ZBTB7C: variants seen among roughly 807,000 people sequenced by gnomAD.
ZBTB7C encodes zinc finger and BTB domain-containing protein 7C.
In ZBTB7C, 8 loss-of-function variants were observed where a neutral mutation model predicts 25.7. The ratio of observed to expected loss-of-function variants is 0.31; its 90% CI spans 0.18 to 0.56. The LOEUF is 0.56. ZBTB7C is among the 20% of genes least tolerant of loss of function. The pLI is 0.91. For synonymous variants in ZBTB7C, 394 were observed against 369.0 expected (o/e 1.07, Z -0.78); for missense variants, 824 against 855.2 (o/e 0.96, Z 0.46).
chr18:48,317,889 C>T (rs1456143735), intron 2 of ZBTB7C, among the ~76,000 whole-genome samples: 1 of 151,670 alleles, frequency 6.6e-6, no homozygotes, highest in Non-Finnish European at 1.5e-5. Flanking sequence ...TCAGAAGATC[C>T]CAGGGTCATT....
At chr18:48,243,268 C>T (rs1177743846) in intron 2 of ZBTB7C, among the ~76,000 whole-genome samples, 7 of 48,448 alleles carry the variant, frequency 1.4e-4, no homozygotes, top group Non-Finnish European at 2.6e-4. Context: ...TCTACCCCCC[C>T]ACAAAAAAAA....
intron 3 of ZBTB7C, among the ~76,000 whole-genome samples, chr18:48,162,932 A>C (rs2041116986): frequency 6.6e-6 from 1 of 151,656 alleles, no homozygotes; most frequent in Admixed American, 6.6e-5. Context: ...GTTCATGCTC[A>C]GCATGCAGTC....
At chr18:48,236,577 A>G (rs901075139) in intron 2 of ZBTB7C, among the ~76,000 whole-genome samples, 11 of 152,226 alleles carry the variant, frequency 7.2e-5, no homozygotes, top group Non-Finnish European at 4.4e-5. Flanking sequence ...TGAAATATGA[A>G]CAGAATGTTA....
At chr18:48,180,118 T>TCCTTCCTTCCTTCCTTC (rs1371498496) in intron 3 of ZBTB7C, among the ~76,000 whole-genome samples, 128 of 117,214 alleles carry the variant, frequency 1.1e-3, no homozygotes, top group South Asian at 2.1e-3. Context: ...TTCCTTTCCT[T>TCCTTCCTTCCTTCCTTC]CCTTCCTTCC....
chr18:48,336,268 CA>C, intron 2 of ZBTB7C, among the ~76,000 whole-genome samples: 1 of 152,310 alleles, frequency 6.6e-6, no homozygotes, highest in East Asian at 1.9e-4. Context: ...TGTTAGCAGT[CA>C]GAATCCCTGG....
At chr18:48,110,174 C>T (rs2039185582) in intron 3 of ZBTB7C, among the ~76,000 whole-genome samples, 1 of 152,230 alleles carries the variant, frequency 6.6e-6, no homozygotes, top group South Asian at 2.1e-4. Context: ...TGTCTTCTCA[C>T]AGATGGAACA....
At chr18:48,376,776 C>T (rs2047528936) in intron 1 of ZBTB7C, among the ~76,000 whole-genome samples, 1 of 152,356 alleles carries the variant, frequency 6.6e-6, no homozygotes. Flanking sequence ...TCTGCTGATG[C>T]TCTGGGCCTT....
chr18:48,165,838 T>C (rs1314568416), intron 3 of ZBTB7C, among the ~76,000 whole-genome samples: 2 of 152,168 alleles, frequency 1.3e-5, no homozygotes, highest in East Asian at 3.8e-4. Flanking sequence ...GTAAGCCTCA[T>C]TTTACAGATG....
intron 2 of ZBTB7C, among the ~76,000 whole-genome samples, chr18:48,323,711 T>G (rs1341446918): frequency 6.6e-6 from 1 of 152,180 alleles, no homozygotes; most frequent in African/African-American, 2.4e-5. Flanking sequence ...TTTAACATGC[T>G]CCTACTGTGG....
intron 2 of ZBTB7C, among the ~76,000 whole-genome samples, chr18:48,291,495 C>A (rs1338187979): frequency 6.6e-6 from 1 of 152,120 alleles, no homozygotes; most frequent in Non-Finnish European, 1.5e-5. Flanking sequence ...AAAGGAGAAA[C>A]CTACCTGAGA....
intron 2 of ZBTB7C, among the ~76,000 whole-genome samples, chr18:48,318,538 C>A (rs1449227123): frequency 6.6e-6 from 1 of 152,342 alleles, no homozygotes; most frequent in Admixed American, 6.5e-5. Context: ...AGGAGGGTCG[C>A]ATCTGCGGCC....
At chr18:48,284,653 T>C (rs2044980845) in intron 2 of ZBTB7C, among the ~76,000 whole-genome samples, 1 of 151,906 alleles carries the variant, frequency 6.6e-6, no homozygotes, top group Non-Finnish European at 1.5e-5. Context: ...AAGCTGGGTA[T>C]GGTGTTACAC....
At chr18:48,298,541 CCA>C (rs2045461809) in intron 2 of ZBTB7C, among the ~76,000 whole-genome samples, 2 of 152,206 alleles carry the variant, frequency 1.3e-5, no homozygotes, top group Non-Finnish European at 2.9e-5. Flanking sequence ...TGCTCTGTCC[CCA>C]CAGTTTCCCC....
chr18:48,333,835 C>T lies in ZBTB7C; in HGVS notation c.-79+4339G>A, dbSNP rs76005373. Among the ~76,000 whole-genome samples the T allele has an allele frequency of 4.3e-3, 662 of 152,290 alleles. 6 individuals are homozygous for T. Among genetic ancestry groups the T allele is most frequent in the African/African-American group, 0.015 (629 of 41,560 alleles). ...CAGCGAGCATCAAAGGCCCATTAAC[C>T]CAACCACACACAGTCAAATGTGGAC... is the stretch of plus-strand genomic sequence containing the variant. On this transcript the variant is annotated intron_variant, in intron 2 of 4. Coordinates refer to ENST00000590800, the MANE Select transcript of ZBTB7C (RefSeq NM_001318841.2).
At chr18:48,367,870 T>C (rs2047283251) in intron 1 of ZBTB7C, among the ~76,000 whole-genome samples, 1 of 151,122 alleles carries the variant, frequency 6.6e-6, no homozygotes, top group African/African-American at 2.4e-5. Context: ...GCACTCCAAC[T>C]CCTTCCAGGA....
chr18:48,075,317 A>G (rs1408912797), intron 3 of ZBTB7C, among the ~76,000 whole-genome samples: 1 of 152,204 alleles, frequency 6.6e-6, no homozygotes, highest in Non-Finnish European at 1.5e-5. Context: ...CAAGCTCTCC[A>G]GTCTTAGCTG....
At chr18:48,252,421 T>C (rs1448860334) in intron 2 of ZBTB7C, 1 of 152,292 alleles carries the variant, frequency 6.6e-6, no homozygotes, top group East Asian at 1.9e-4. Flanking sequence ...TGCCACTGAC[T>C]CTTTTTTTGT....
At chr18:48,178,408 T>G (rs1160269801) in intron 3 of ZBTB7C, among the ~76,000 whole-genome samples, 2 of 152,232 alleles carry the variant, frequency 1.3e-5, no homozygotes, top group South Asian at 2.1e-4. Context: ...GCCTGCTGCT[T>G]CTTGTTCCAA....
chr18:48,343,137 C>T (rs1041684501), intron 1 of ZBTB7C, among the ~76,000 whole-genome samples: 8 of 152,126 alleles, frequency 5.3e-5, no homozygotes, highest in African/African-American at 1.7e-4. Flanking sequence ...CTTGAGCTCT[C>T]TGGGCCTCAG....
Sources: allele counts gnomAD v4.1 joint callset (sites outside exome capture counted in the v4.1 genomes callset), GRCh38; gene constraint gnomAD v4.1.1; transcripts MANE v1.5; gene names NCBI Gene and HGNC (gene_info 2026-07-23, HGNC 2026-07-21).